Variants in AKAP10 observed in about 807,000 individuals in gnomAD.
AKAP10 encodes the protein A-kinase anchor protein 10, mitochondrial.
AKAP10 carries 24 observed loss-of-function variants against 80.8 expected under a neutral mutation model. That is an observed-to-expected ratio of 0.30 (90% CI 0.22 to 0.42). The LOEUF (loss-of-function observed/expected upper bound fraction) is 0.42. AKAP10 is among the 10% of genes least tolerant of loss of function. The pLI, the probability that AKAP10 is intolerant of heterozygous loss-of-function variation, is 1.00. For missense variants in AKAP10, 661 were observed against 794.9 expected (o/e 0.83, Z 2.03); for synonymous variants, 291 against 277.7 (o/e 1.05, Z -0.48).
chr17:19,921,831 C>T (rs912271320), intron 11 of AKAP10, among the ~76,000 whole-genome samples: 2 of 152,186 alleles, frequency 1.3e-5, no homozygotes, highest in East Asian at 1.9e-4. Context: ...GTAATACATA[C>T]ACTATGAGAT....
At chr17:19,975,844 T>C (rs1179240882) in intron 1 of AKAP10, among the ~76,000 whole-genome samples, 2 of 152,124 alleles carry the variant, frequency 1.3e-5, no homozygotes, top group Non-Finnish European at 2.9e-5. Context: ...TCATTATTCT[T>C]AGAATGTTTT....
intron 5 of AKAP10, among the ~76,000 whole-genome samples, chr17:19,945,509 A>G (rs879837464): frequency 6.6e-6 from 1 of 152,222 alleles, no homozygotes; most frequent in Non-Finnish European, 1.5e-5. Context: ...ATCTGTCAGC[A>G]AAACTCAGTG....
In AKAP10 at chr17:19,974,473, A is replaced by T. The variant is rs112117994; in HGVS notation, c.88+3119T>A. Among the ~76,000 whole-genome samples, 1,347 of 152,202 alleles carry T rather than the reference A, an allele frequency of 8.9e-3. 23 individuals are homozygous for T. Among genetic ancestry groups the T allele is most frequent in the African/African-American group, 0.031 (1,279 of 41,520 alleles). ...GTGGCTCAAGACAATTCTTCTTCCA[A>T]TGTGGCCTAGGGAAGCCAAAAGACT... On this transcript the variant is annotated intron_variant, in intron 1 of 14. Coordinates refer to ENST00000225737, the MANE Select transcript of AKAP10 (RefSeq NM_007202.4).
intron 1 of AKAP10, 119 bp downstream of exon 1, chr17:19,977,473 C>G (rs2043585254): frequency 1.3e-6 from 1 of 754,650 alleles, no homozygotes; most frequent in Non-Finnish European, 1.8e-6. Flanking sequence ...GCATCTGCGC[C>G]GAGGTCGAGG....
chr17:19,947,188 G>A (rs541818223), intron 5 of AKAP10: 9 of 516,604 alleles, frequency 1.7e-5, no homozygotes, highest in Non-Finnish European at 2.8e-5. Flanking sequence ...CCGCTACACT[G>A]CAGCCCATCT....
At chr17:19,923,468 A>G (rs1457897927) in intron 11 of AKAP10, among the ~76,000 whole-genome samples, 1 of 152,192 alleles carries the variant, frequency 6.6e-6, no homozygotes, top group Admixed American at 6.5e-5. Flanking sequence ...AATGTGGTCA[A>G]ACAAACCTTT....
chr17:19,972,946 G>A (rs974314613), intron 1 of AKAP10, among the ~76,000 whole-genome samples: 4 of 151,912 alleles, frequency 2.6e-5, no homozygotes, highest in Non-Finnish European at 5.9e-5. Context: ...CTGCATCAGG[G>A]ATTGGCAAAC....
chr17:19,966,849 A>T (rs1159777273), intron 2 of AKAP10, among the ~76,000 whole-genome samples: 2 of 152,058 alleles, frequency 1.3e-5, no homozygotes, highest in African/African-American at 4.8e-5. Context: ...TCTAGTCTTT[A>T]CAGGTCTCTG....
At chr17:19,943,096 C>G (rs1413087709) in intron 5 of AKAP10, among the ~76,000 whole-genome samples, 1 of 152,068 alleles carries the variant, frequency 6.6e-6, no homozygotes, top group Non-Finnish European at 1.5e-5. Flanking sequence ...ACTATGTTGA[C>G]CAGGCTGGTT....
Position 19,941,881 on chromosome 17 carries a change from C to G in AKAP10, c.1006G>C (p.Asp336His). Residue 336 changes from aspartate (D) to histidine (H), a missense_variant, in exon 6 of 15, where the codon GAT becomes CAT. Coordinates refer to ENST00000225737, the MANE Select transcript of AKAP10 (RefSeq NM_007202.4). ...ARICGEDGQVDPNCFVLAQSI... is the reference protein window; with the variant it reads ...ARICGEDGQVHPNCFVLAQSI... ...TGTGCCAAAACGAAACAGTTGGGAT[C>G]CACCTGTCCATCTTCTCCACAAATC... The G allele has an allele frequency of 6.2e-7, 1 of 1,610,888 alleles. No individual in the cohort carries two copies.
rs188222766 is a variant in AKAP10, at chr17:19,933,050, C to T, written c.1468-1072G>A. On this transcript the variant is annotated intron_variant, in intron 9 of 14. Transcript: ENST00000225737. The stretch of plus-strand genomic sequence containing the variant: ...TTTGTTTTTTTGAGACGTATTTTCG[C>T]TTTTGTCCCCCGGGCTGGAATGCAG... Among the ~76,000 whole-genome samples, 338 of 152,084 alleles carry T rather than the reference C, an allele frequency of 2.2e-3. 2 individuals carry two copies. The highest frequency in any genetic ancestry group is 2.8e-3 in the Non-Finnish European group (192 of 67,992).
In AKAP10 at chr17:19,947,175, C is replaced by G. The variant is rs2043143869; in HGVS notation, c.976+232G>C. On this transcript the variant is annotated intron_variant, in intron 5 of 14. Transcript: ENST00000225737. Reference sequence around the variant, plus strand: ...CTGCTCAGCAGCGGGCAGGCCTGAGCACCCGCTACACTGCAGCCCATCTGG... The same window carrying G: ...CTGCTCAGCAGCGGGCAGGCCTGAGGACCCGCTACACTGCAGCCCATCTGG... 1.2e-4 allele frequency: 60 copies of G among 491,488 alleles called. 1 individual carries two copies. The South Asian group carries it at 1.3e-3, about 10-fold the overall frequency. The allele number at this position is 491,488 out of a possible 1,614,324, so 30.4% of individuals were successfully genotyped here.
rs187128212 is a variant in AKAP10 at position 19,906,596 on chromosome 17, C to A, written c.1984-364G>T. On this transcript the variant is annotated intron_variant, in intron 14 of 14. Transcript: ENST00000225737. ...ATATTCAAGAGGGATGGTAAAGACA[C>A]ACATGCAGACATTCACTGACTCCCT... Among the ~76,000 whole-genome samples, 997 of 152,322 alleles carry A rather than the reference C, an allele frequency of 6.5e-3. 18 individuals carry two copies. Among genetic ancestry groups the A allele is most frequent in the Non-Finnish European group, 3.8e-3 (261 of 68,044 alleles).
At chr17:19,925,977 A>T (rs997743500) in intron 10 of AKAP10, among the ~76,000 whole-genome samples, 1 of 152,204 alleles carries the variant, frequency 6.6e-6, no homozygotes, top group African/African-American at 2.4e-5. Flanking sequence ...ATGGAAGAGA[A>T]TCAAGAACCC....
chr17:19,908,828 C>T (rs1440805457), intron 14 of AKAP10, among the ~76,000 whole-genome samples: 1 of 152,124 alleles, frequency 6.6e-6, no homozygotes, highest in Non-Finnish European at 1.5e-5. Flanking sequence ...ACCATGTTGG[C>T]CAGGCTGGTC....
intron 9 of AKAP10, 148 bp from the exon 10 acceptor site, chr17:19,932,126 T>TA: frequency 1.3e-6 from 1 of 787,158 alleles, no homozygotes; most frequent in Non-Finnish European, 2.0e-6. Context: ...ACTACAAGTA[T>TA]TATCCCTTTG....
intron 10 of AKAP10, among the ~76,000 whole-genome samples, chr17:19,929,999 C>CAAAAAAAAAA (rs11365343): frequency 1.2e-5 from 1 of 81,858 alleles, no homozygotes; most frequent in Non-Finnish European, 2.6e-5. Context: ...CAACAAAAAC[C>CAAAAAAAAAA]AAAAAAAAAA....
At chr17:19,912,491 C>T (rs146120627) in intron 12 of AKAP10, among the ~76,000 whole-genome samples, 2 of 152,216 alleles carry the variant, frequency 1.3e-5, no homozygotes, top group African/African-American at 2.4e-5. Context: ...GAGCCAACAT[C>T]GCACCACTGC....
intron 12 of AKAP10, among the ~76,000 whole-genome samples, chr17:19,917,348 T>G (rs1406917038): frequency 2.0e-5 from 3 of 152,258 alleles, no homozygotes; most frequent in East Asian, 3.9e-4. Flanking sequence ...CCATTATCCT[T>G]ATGGACAGAA....
Sources: gnomAD v4.1 joint callset for allele counts (sites outside exome capture counted in the v4.1 genomes callset) on GRCh38, gnomAD v4.1.1 for gene constraint, MANE v1.5 for transcripts, NCBI Gene and HGNC (gene_info 2026-07-23, HGNC 2026-07-21) for gene names.